Variants in TOM1L2 observed in about 807,000 individuals in gnomAD.
TOM1L2 encodes target of myb1 like 2 membrane trafficking protein.
TOM1L2 carries 31 observed loss-of-function variants against 67.9 expected under a neutral mutation model. That is an observed-to-expected ratio of 0.46 (90% CI 0.34 to 0.62). TOM1L2 has a LOEUF of 0.62. TOM1L2 is among the 20% of genes least tolerant of loss of function. The probability of loss-of-function intolerance (pLI) is 0.01; values close to 1 mark genes in which losing one functional copy is unlikely to be tolerated. For synonymous variants in TOM1L2, 256 were observed against 254.0 expected (o/e 1.01, Z -0.07); for missense variants, 606 against 663.5 (o/e 0.91, Z 0.95).
chr17:17,874,148 G>A (rs931299863), intron 7 of TOM1L2, among the ~76,000 whole-genome samples: 1 of 151,872 alleles, frequency 6.6e-6, no homozygotes, highest in Non-Finnish European at 1.5e-5. Flanking sequence ...TAGAGACGGG[G>A]TTTTACCATG....
Position 17,944,869 on chromosome 17 carries a change from G to A in TOM1L2, c.52+27393C>T, listed in dbSNP as rs1394007397. On this transcript the variant is annotated intron_variant, in intron 1 of 14. Transcript: ENST00000379504. ...CCAGAGATGTCTGCCTGATGGCAAT[G>A]GAGAAAAACTCATCTGGGGCTAGTA... 7.2e-5 allele frequency among the ~76,000 whole-genome samples: 11 copies of A among 152,138 alleles called. 1 individual carries two copies. The highest frequency in any genetic ancestry group is 7.2e-4 in the Admixed American group (11 of 15,280).
In TOM1L2 at chr17:17,893,778, G is replaced by C. The variant is rs775641202; in HGVS notation, c.249C>G (p.His83Gln). The stretch of plus-strand genomic sequence containing the variant: ...GGTTGGCCACAAGGATGTGGAAGCG[G>C]TGGCCACAGTTCTTCACACATGTCT... ...VLETCVKNCG[H>Q]RFHILVANRD... Residue 83 changes from histidine (H) to glutamine (Q), a missense_variant, in exon 4 of 15, where the codon CAC becomes CAG. Physicochemically the swap from His to Gln is conservative, Grantham distance 24 (BLOSUM62 0). Around this residue, in one of 2 missense-constraint regions of TOM1L2, gnomAD observed 63 missense variants for 109.5 expected, o/e 0.58. Transcript: ENST00000379504. 11 of 1,614,042 alleles carry C rather than the reference G, an allele frequency of 6.8e-6. No homozygotes were observed. Among genetic ancestry groups the C allele is most frequent in the African/African-American group, 4.0e-5 (3 of 74,928 alleles).
chr17:17,876,720 G>A (rs1225937927), intron 7 of TOM1L2, among the ~76,000 whole-genome samples: 3 of 152,214 alleles, frequency 2.0e-5, no homozygotes, highest in South Asian at 2.1e-4. Flanking sequence ...ACCTGGCATC[G>A]CCCAGCTCAT....
chr17:17,964,399 C>T (rs1293697242), intron 1 of TOM1L2, among the ~76,000 whole-genome samples: 1 of 152,158 alleles, frequency 6.6e-6, no homozygotes, highest in Non-Finnish European at 1.5e-5. Flanking sequence ...GTAGATTATA[C>T]AGAAATATGC....
Position 17,844,381 on chromosome 17 carries a change from T to C in TOM1L2, c.*3254A>G, listed in dbSNP as rs1052353247. The C allele has an allele frequency of 6.6e-6, 1 of 151,204 alleles. No homozygotes were observed. Among genetic ancestry groups the C allele is most frequent in the South Asian group, 2.1e-4 (1 of 4,774 alleles). The allele number at this position is 151,204 out of a possible 1,614,324, so 9.4% of individuals were successfully genotyped here. A position where few individuals can be genotyped will look rare whatever the true frequency, so the allele number is the denominator to read the frequency against. On this transcript the variant is annotated 3_prime_UTR_variant, in exon 15 of 15. Transcript: ENST00000379504. The stretch of plus-strand genomic sequence containing the variant: ...CAACTCTCCGGGCTGGGTCCTCTCC[T>C]CCCCAGGGGCTGGAGTGACAGCACA...
chr17:17,847,717 G>C lies in TOM1L2; in HGVS notation c.1442C>G (p.Pro481Arg). Reference protein sequence around the residue: ...AEMVPDLPSPPMEAPAPASNP... With the variant: ...AEMVPDLPSPRMEAPAPASNP... ...TGAGGCTGGGGCAGGAGCCTCCATG[G>C]GGGGCGAGGGGAGGTCGGGAACCAT... is the stretch of plus-strand genomic sequence containing the variant. The change falls in exon 15 of 15, where the codon CCC (proline) becomes CGC (arginine). Residue 481 changes from proline to arginine, a missense_variant. Around this residue, in one of 2 missense-constraint regions of TOM1L2, gnomAD observed 543 missense variants for 554.0 expected, o/e 0.98. Transcript: ENST00000379504. 1.2e-6 allele frequency: 2 copies of C among 1,614,068 alleles called. No individual in the cohort carries two copies. The highest frequency in any genetic ancestry group is 1.7e-6 in the Non-Finnish European group (2 of 1,180,014).
chr17:17,946,342 TC>T, intron 1 of TOM1L2, among the ~76,000 whole-genome samples: 1 of 152,064 alleles, frequency 6.6e-6, no homozygotes, highest in Non-Finnish European at 1.5e-5. Context: ...TAAAAATAAA[TC>T]CTGTACCTGT....
chr17:17,898,651 A>G lies in TOM1L2; in HGVS notation c.161T>C (p.Leu54Pro), dbSNP rs1443147537. 5 of 1,614,246 alleles carry G rather than the reference A, an allele frequency of 3.1e-6. No homozygotes were observed. Among genetic ancestry groups the G allele is most frequent in the Non-Finnish European group, 4.2e-6 (5 of 1,180,036 alleles). Residue 54 changes from leucine (L) to proline (P), a missense_variant, in exon 3 of 15, where the codon CTG becomes CCG. Leu to Pro is a moderately conservative substitution (Grantham distance 98, BLOSUM62 -3). Transcript: ENST00000379504. ...EEGPKDAIRA[L>P]KKRLNGNRNY... ...CCGGTTCCCGTTGAGCCGCTTCTTC[A>G]GGGCTCGAATGGCATCCTTTGGCCT...
chr17:17,885,401 T>C (rs948257677), intron 4 of TOM1L2, among the ~76,000 whole-genome samples: 1 of 152,218 alleles, frequency 6.6e-6, no homozygotes, highest in African/African-American at 2.4e-5. Context: ...CATTGGGAGC[T>C]AGACCCAGGC....
At chr17:17,946,998 T>A (rs2040979190) in intron 1 of TOM1L2, among the ~76,000 whole-genome samples, 1 of 152,232 alleles carries the variant, frequency 6.6e-6, no homozygotes, top group Non-Finnish European at 1.5e-5. Flanking sequence ...GTGCTGGGAT[T>A]ACAGGCGTAC....
chr17:17,943,431 G>T (rs1242660678), intron 1 of TOM1L2, among the ~76,000 whole-genome samples: 1 of 152,218 alleles, frequency 6.6e-6, no homozygotes. Flanking sequence ...CTGCTGCCTG[G>T]AGAGTGCAGA....
chr17:17,909,071 C>T, intron 1 of TOM1L2, among the ~76,000 whole-genome samples: 1 of 152,128 alleles, frequency 6.6e-6, no homozygotes, highest in Non-Finnish European at 1.5e-5. Context: ...GTTCCAGCTA[C>T]TCAGGAGGCT....
chr17:17,870,147 G>A (rs1461734925), intron 7 of TOM1L2, among the ~76,000 whole-genome samples: 4 of 152,180 alleles, frequency 2.6e-5, no homozygotes, highest in Non-Finnish European at 5.9e-5. Flanking sequence ...TTGGTGGCAC[G>A]TCTGCCACTT....
At chr17:17,850,704 G>A (rs1279075123) in intron 13 of TOM1L2, among the ~76,000 whole-genome samples, 189 bp downstream of exon 13, 1 of 152,156 alleles carries the variant, frequency 6.6e-6, no homozygotes, top group Non-Finnish European at 1.5e-5. Context: ...AGGCCGGGAG[G>A]CCACTGCAGC....
intron 1 of TOM1L2, among the ~76,000 whole-genome samples, chr17:17,951,632 G>A (rs1268701643): frequency 1.3e-5 from 2 of 152,176 alleles, no homozygotes. Flanking sequence ...TTCAAGAAAC[G>A]TAAAGGTCTT....
intron 4 of TOM1L2, among the ~76,000 whole-genome samples, chr17:17,886,469 C>G (rs944568584): frequency 6.6e-6 from 1 of 152,254 alleles, no homozygotes; most frequent in Non-Finnish European, 1.5e-5. Context: ...GCCCCGCCCC[C>G]ACCAGCTGCG....
At chr17:17,892,277 C>A (rs1052447311) in intron 4 of TOM1L2, among the ~76,000 whole-genome samples, 1 of 152,140 alleles carries the variant, frequency 6.6e-6, no homozygotes, top group Non-Finnish European at 1.5e-5. Flanking sequence ...CGGCCTGCCC[C>A]GGCACTCCAC....
rs750224529 is a variant in TOM1L2, at chr17:17,847,697, C to T, written c.1462G>A (p.Ala488Thr). ...PSPPMEAPAP[A>T]SNPSGRKKPE... is the part of the protein sequence containing the mutation. ...TTCTTCCGGCCAGAAGGGTTTGAGGCTGGGGCAGGAGCCTCCATGGGGGGC... is the reference window on the plus strand; with the variant it reads ...TTCTTCCGGCCAGAAGGGTTTGAGGTTGGGGCAGGAGCCTCCATGGGGGGC... Residue 488 changes from alanine to threonine, a missense_variant, in exon 15 of 15, where the codon GCC (alanine) becomes ACC (threonine). Physicochemically the swap from Ala to Thr is moderately conservative, Grantham distance 58. Around this residue, in one of 2 missense-constraint regions of TOM1L2, gnomAD observed 543 missense variants for 554.0 expected, o/e 0.98. Coordinates refer to ENST00000379504, the MANE Select transcript of TOM1L2 (RefSeq NM_001082968.2). The T allele has an allele frequency of 5.0e-6, 8 of 1,613,874 alleles. No homozygotes were observed. Among genetic ancestry groups the T allele is most frequent in the Admixed American group, 1.7e-5 (1 of 59,986 alleles).
intron 1 of TOM1L2, among the ~76,000 whole-genome samples, chr17:17,956,434 C>G (rs2041450431): frequency 6.6e-6 from 1 of 152,370 alleles, no homozygotes; most frequent in East Asian, 1.9e-4. Flanking sequence ...GCTGGCTTCA[C>G]CCAGTGGATC....
Sources: allele counts gnomAD v4.1 joint callset (sites outside exome capture counted in the v4.1 genomes callset), GRCh38; gene constraint gnomAD v4.1.1; regional missense constraint gnomAD v4.1.1; transcripts MANE v1.5; gene names NCBI Gene and HGNC (gene_info 2026-07-23, HGNC 2026-07-21).